BABAM2: variants seen among roughly 807,000 people sequenced by gnomAD.
BABAM2 encodes the protein BRISC and BRCA1 A complex member 2, also known as BRISC and BRCA1-A complex member 2.
In BABAM2, 31 loss-of-function variants were observed where a neutral mutation model predicts 54.7. The observed-to-expected ratio is 0.57, with a 90% CI of 0.43 to 0.77. The LOEUF (loss-of-function observed/expected upper bound fraction) is 0.77, where lower values mean the gene tolerates loss of function less well. Among genes scored for constraint, BABAM2 ranks in the 30% least tolerant of loss-of-function variants. The pLI, the probability that BABAM2 is intolerant of heterozygous loss-of-function variation, is 0.00. For synonymous variants in BABAM2, 167 were observed against 162.9 expected (o/e 1.03, Z -0.19); for missense variants, 364 against 455.8 (o/e 0.80, Z 1.83).
intron 10 of BABAM2, among the ~76,000 whole-genome samples, chr2:28,282,180 C>G (rs1686416207): frequency 6.6e-6 from 1 of 152,000 alleles, no homozygotes; most frequent in Non-Finnish European, 1.5e-5. Context: ...CCATTAAAAC[C>G]CCGTAGATAT....
intron 6 of BABAM2, among the ~76,000 whole-genome samples, chr2:28,099,956 G>T (rs191603514): frequency 2.6e-5 from 4 of 151,850 alleles, no homozygotes; most frequent in South Asian, 2.1e-4. Flanking sequence ...AATTTCTAAC[G>T]TATAGTCTTG....
intron 5 of BABAM2, among the ~76,000 whole-genome samples, chr2:28,042,965 A>G (rs769980581): frequency 6.6e-6 from 1 of 151,930 alleles, no homozygotes; most frequent in Non-Finnish European, 1.5e-5. Flanking sequence ...TGGAGCTTGC[A>G]GTGAGCTGAG....
At chr2:28,201,786 G>C (rs1156656425) in intron 7 of BABAM2, among the ~76,000 whole-genome samples, 2 of 152,080 alleles carry the variant, frequency 1.3e-5, no homozygotes, top group East Asian at 3.9e-4. Context: ...AAAGACGCTG[G>C]CAAGAAACTG....
At chr2:27,940,748 T>C (rs1366259859) in intron 3 of BABAM2, among the ~76,000 whole-genome samples, 2 of 152,156 alleles carry the variant, frequency 1.3e-5, no homozygotes, top group Non-Finnish European at 1.5e-5. Context: ...TATTTGTCTT[T>C]GTAAGGAATC....
intron 7 of BABAM2, among the ~76,000 whole-genome samples, chr2:28,162,873 G>A (rs987688644): frequency 3.3e-5 from 5 of 152,130 alleles, no homozygotes; most frequent in East Asian, 1.9e-4. Flanking sequence ...AAATATCATC[G>A]AGATTTGTGT....
chr2:28,326,201 C>T (rs1312391581), intron 11 of BABAM2, among the ~76,000 whole-genome samples: 3 of 152,156 alleles, frequency 2.0e-5, no homozygotes, highest in African/African-American at 4.8e-5. Flanking sequence ...CACCACCATC[C>T]GACAGGCGGC....
chr2:28,009,229 C>T (rs776740564), intron 4 of BABAM2, among the ~76,000 whole-genome samples: 20 of 152,090 alleles, frequency 1.3e-4, no homozygotes, highest in Non-Finnish European at 2.6e-4. Flanking sequence ...CATACTTAAT[C>T]AGTGTATCAG....
rs567203205 is a variant in BABAM2 at position 27,981,250 on chromosome 2, CTG to C, written c.206-6739_206-6738del. 1.4e-3 allele frequency among the ~76,000 whole-genome samples: 210 copies of C among 152,174 alleles called. 1 individual carries two copies. The highest frequency in any genetic ancestry group is 4.4e-3 in the Admixed American group (67 of 15,274). On this transcript the variant is annotated intron_variant, in intron 3 of 11. Transcript: ENST00000379624. ...AATATGATTTTATTTATAAAAGTAACTGTGTCACAACTATTCAGTAAACACTT... is the reference window on the plus strand; with the variant it reads ...AATATGATTTTATTTATAAAAGTAACTGTCACAACTATTCAGTAAACACTT...
In BABAM2 at chr2:28,075,527, T is replaced by TC. The variant is rs1274849510; in HGVS notation, c.570+29728_570+29729insC. Among the ~76,000 whole-genome samples, 31 of 150,512 alleles carry TC rather than the reference T, an allele frequency of 2.1e-4. 1 individual carries two copies. The South Asian group carries it at 5.7e-3, about 28-fold the overall frequency. On this transcript the variant is annotated intron_variant, in intron 6 of 11. Coordinates refer to ENST00000379624, the MANE Select transcript of BABAM2 (RefSeq NM_199191.3). ...TCTATAAAAACAAAAACATCACGTT[T>TC]TTCTCTCTCTCTCTCTCTCTTTCTC...
chr2:28,255,063 A>G (rs1683852258), intron 10 of BABAM2, among the ~76,000 whole-genome samples: 1 of 152,022 alleles, frequency 6.6e-6, no homozygotes, highest in Non-Finnish European at 1.5e-5. Context: ...AAAAAGATAT[A>G]TTGACGATAG....
intron 7 of BABAM2, chr2:28,233,046 A>G: frequency 3.0e-6 from 1 of 328,184 alleles, no homozygotes; most frequent in South Asian, 2.6e-5. Context: ...TTTCAGTTCT[A>G]AGAATGATCA....
intron 7 of BABAM2, among the ~76,000 whole-genome samples, chr2:28,173,123 C>G (rs1674539429): frequency 6.6e-6 from 1 of 152,202 alleles, no homozygotes; most frequent in Non-Finnish European, 1.5e-5. Context: ...GAGATACTAT[C>G]TCTAAATATT....
chr2:27,994,212 G>A (rs1314591862), intron 4 of BABAM2, among the ~76,000 whole-genome samples: 1 of 152,126 alleles, frequency 6.6e-6, no homozygotes, highest in Non-Finnish European at 1.5e-5. Flanking sequence ...AGTACTGTGG[G>A]AACATGGAGA....
At chr2:28,290,155 T>G (rs1687171020) in intron 10 of BABAM2, among the ~76,000 whole-genome samples, 1 of 152,256 alleles carries the variant, frequency 6.6e-6, no homozygotes, top group Admixed American at 6.5e-5. Context: ...TTGACACATG[T>G]AGCCCTAGCT....
At chr2:28,035,879 T>G (rs1427666350) in intron 5 of BABAM2, among the ~76,000 whole-genome samples, 1 of 152,186 alleles carries the variant, frequency 6.6e-6, no homozygotes, top group Non-Finnish European at 1.5e-5. Context: ...TCTGTTACTG[T>G]TTTTTAAATA....
At position 27,903,546 on chromosome 2, in the gene BABAM2, T is replaced by A. The variant is rs557441407; in HGVS notation, c.128+8862T>A. 2.6e-5 allele frequency among the ~76,000 whole-genome samples: 4 copies of A among 152,296 alleles called. No homozygotes were observed. In the South Asian group the frequency reaches 6.2e-4, roughly 24 times the overall value. On this transcript the variant is annotated intron_variant, in intron 2 of 11. Transcript: ENST00000379624. ...CTCTCTGAGGAACTGAGATTTAAGT[T>A]GAATCATGAAATAGATGAATATACT...
chr2:28,028,004 C>T (rs1302097021), intron 5 of BABAM2, among the ~76,000 whole-genome samples: 2 of 152,114 alleles, frequency 1.3e-5, no homozygotes, highest in Non-Finnish European at 1.5e-5. Flanking sequence ...TAGTTTTTGG[C>T]AGCAATCTGG....
chr2:28,058,407 T>C (rs1006820466), intron 6 of BABAM2, among the ~76,000 whole-genome samples: 4 of 151,936 alleles, frequency 2.6e-5, no homozygotes, highest in Non-Finnish European at 5.9e-5. Flanking sequence ...AAACATAATA[T>C]AAAATGATGG....
At chr2:28,017,039 CT>C (rs1674879448) in intron 4 of BABAM2, among the ~76,000 whole-genome samples, 1 of 152,200 alleles carries the variant, frequency 6.6e-6, no homozygotes, top group Admixed American at 6.5e-5. Context: ...CTTAATCCAG[CT>C]TCTCTTTCTC....
Sources: allele counts gnomAD v4.1 joint callset (sites outside exome capture counted in the v4.1 genomes callset), GRCh38; gene constraint gnomAD v4.1.1; transcripts MANE v1.5; gene names NCBI Gene and HGNC (gene_info 2026-07-23, HGNC 2026-07-21).